Variants in NRXN1 observed in about 807,000 individuals in gnomAD.
The protein encoded by NRXN1 is neurexin 1.
Under a neutral mutation model 150.9 loss-of-function variants are expected in NRXN1, and 39 were observed. That is an observed-to-expected ratio of 0.26 (90% CI 0.20 to 0.34). The LOEUF is 0.34. Ranked by LOEUF, NRXN1 falls within the 10% of genes least tolerant of loss-of-function variation. NRXN1 has a pLI of 1.00. For missense variants in NRXN1, 1,815 were observed against 1,949.9 expected, an observed-to-expected ratio of 0.93 and a Z score of 1.30; for synonymous variants, 924 against 757.0, an observed-to-expected ratio of 1.22 and a Z score of -3.62.
chr2:50,979,352 C>G, intron 2 of NRXN1: 1 of 471,434 alleles, frequency 2.1e-6, no homozygotes, highest in Non-Finnish European at 4.2e-6. Flanking sequence ...ACAGTATCCT[C>G]CTTGTTTAAC....
intron 17 of NRXN1, among the ~76,000 whole-genome samples, chr2:50,248,419 A>G (rs936445102): frequency 6.6e-6 from 1 of 152,208 alleles, no homozygotes; most frequent in Non-Finnish European, 1.5e-5. Context: ...TTGTTTGGCT[A>G]TAAAAACAGG....
At chr2:51,016,673 A>G (rs1668710672) in intron 2 of NRXN1, among the ~76,000 whole-genome samples, 1 of 152,198 alleles carries the variant, frequency 6.6e-6, no homozygotes. Context: ...AAATTAGTTC[A>G]GCCATTGTAG....
intron 18 of NRXN1, among the ~76,000 whole-genome samples, chr2:50,110,825 C>A (rs1466423480): frequency 6.6e-6 from 1 of 152,036 alleles, no homozygotes; most frequent in Non-Finnish European, 1.5e-5. Flanking sequence ...CAGTACTTCA[C>A]ATTATTAGTT....
chr2:50,127,842 A>G (rs1558934954), intron 18 of NRXN1, among the ~76,000 whole-genome samples: 2 of 152,362 alleles, frequency 1.3e-5, no homozygotes, highest in African/African-American at 4.8e-5. Context: ...ATAAATAAGA[A>G]GCAAAAGAAA....
intron 2 of NRXN1, among the ~76,000 whole-genome samples, chr2:51,002,160 G>A (rs918713458): frequency 6.6e-6 from 1 of 151,908 alleles, no homozygotes; most frequent in Non-Finnish European, 1.5e-5. Flanking sequence ...CAAGTAAAAC[G>A]TATATGAAAT....
intron 3 of NRXN1, among the ~76,000 whole-genome samples, chr2:50,924,127 C>G (rs1201463131): frequency 6.7e-6 from 1 of 149,824 alleles, no homozygotes; most frequent in Non-Finnish European, 1.5e-5. Flanking sequence ...TTCCAAGTAA[C>G]ATTTTATAAG....
At chr2:50,371,771 A>G (rs1016516424) in intron 17 of NRXN1, among the ~76,000 whole-genome samples, 5 of 107,490 alleles carry the variant, frequency 4.7e-5, no homozygotes, top group Admixed American at 9.7e-5. Context: ...GTTGCAATTT[A>G]TAAGATATTT....
intron 21 of NRXN1, among the ~76,000 whole-genome samples, chr2:49,987,356 C>T (rs1054708026): frequency 6.6e-6 from 1 of 152,108 alleles, no homozygotes; most frequent in African/African-American, 2.4e-5. Flanking sequence ...CCTTGGCCTC[C>T]CAAGACTTCT....
intron 5 of NRXN1, among the ~76,000 whole-genome samples, chr2:50,634,888 T>G (rs1573904421): frequency 6.6e-6 from 1 of 152,260 alleles, no homozygotes; most frequent in East Asian, 1.9e-4. Context: ...CTGCCCTTCA[T>G]GCAGTAGACT....
chr2:50,682,026 T>C (rs1690486757), intron 5 of NRXN1, among the ~76,000 whole-genome samples: 1 of 152,152 alleles, frequency 6.6e-6, no homozygotes, highest in Admixed American at 6.6e-5. Context: ...ACAGAAAACA[T>C]AAATGTGCCT....
intron 18 of NRXN1, among the ~76,000 whole-genome samples, chr2:50,189,935 T>C (rs1360227666): frequency 1.3e-5 from 2 of 152,188 alleles, no homozygotes. Flanking sequence ...TTGACTTTTC[T>C]ACATTTCACA....
At chr2:50,809,268 A>C (rs912516107) in intron 5 of NRXN1, among the ~76,000 whole-genome samples, 1 of 152,084 alleles carries the variant, frequency 6.6e-6, no homozygotes, top group African/African-American at 2.4e-5. Context: ...TCTGAAGAAT[A>C]AATCAGGATA....
intron 5 of NRXN1, among the ~76,000 whole-genome samples, chr2:50,898,368 G>A (rs1376861898): frequency 6.6e-6 from 1 of 152,012 alleles, no homozygotes; most frequent in Non-Finnish European, 1.5e-5. Flanking sequence ...GGCCATTCTG[G>A]CTTCTATCTG....
chr2:50,430,066 G>T (rs1019750364), intron 17 of NRXN1, among the ~76,000 whole-genome samples: 2 of 152,136 alleles, frequency 1.3e-5, no homozygotes, highest in South Asian at 4.2e-4. Context: ...ATTTGAGAGT[G>T]GGAGAAAAAA....
At chr2:50,052,336 G>T (rs893100620) in intron 21 of NRXN1, among the ~76,000 whole-genome samples, 1 of 151,964 alleles carries the variant, frequency 6.6e-6, no homozygotes, top group African/African-American at 2.4e-5. Flanking sequence ...AGAACAAAAC[G>T]AAACAATTAA....
chr2:50,835,485 G>A (rs921227115), intron 5 of NRXN1, among the ~76,000 whole-genome samples: 14 of 152,016 alleles, frequency 9.2e-5, no homozygotes, highest in Admixed American at 2.6e-4. Context: ...AATTTTATTT[G>A]AAAGGCAAAG....
intron 18 of NRXN1, among the ~76,000 whole-genome samples, chr2:50,162,560 T>A (rs940535998): frequency 3.3e-5 from 5 of 151,844 alleles, no homozygotes; most frequent in Admixed American, 2.6e-4. Context: ...AAGATTAAGA[T>A]AAAACCATAA....
intron 17 of NRXN1, among the ~76,000 whole-genome samples, chr2:50,340,401 G>A (rs938498215): frequency 1.3e-5 from 2 of 152,112 alleles, no homozygotes; most frequent in Admixed American, 6.5e-5. Flanking sequence ...TGAAAGAAGC[G>A]GGTGCTTTTC....
chr2:50,704,411 A>G (rs1034390031), intron 5 of NRXN1, among the ~76,000 whole-genome samples: 1 of 152,048 alleles, frequency 6.6e-6, no homozygotes, highest in Non-Finnish European at 1.5e-5. Flanking sequence ...AGAAAAAATG[A>G]ACATGGAACA....
Sources: gnomAD v4.1 joint callset for allele counts (sites outside exome capture counted in the v4.1 genomes callset) on GRCh38, gnomAD v4.1.1 for gene constraint, MANE v1.5 for transcripts, NCBI Gene and HGNC (gene_info 2026-07-23, HGNC 2026-07-21) for gene names.